The following UNC5D variants were observed in gnomAD, a reference collection of about 807,000 sequenced individuals.
UNC5D encodes unc-5 netrin receptor D, also known as netrin receptor UNC5D.
A neutral mutation model predicts 105.4 loss-of-function variants in UNC5D; 39 were observed. That is an observed-to-expected ratio of 0.37 (90% CI 0.29 to 0.48). UNC5D has a LOEUF of 0.48. Among genes scored for constraint, UNC5D ranks in the 20% least tolerant of loss-of-function variants. The pLI is 0.98. For missense variants in UNC5D, 991 were observed against 1,202.4 expected (o/e 0.82, Z 2.60); for synonymous variants, 452 against 450.4 (o/e 1.00, Z -0.04).
At chr8:35,589,968 C>A (rs1819053709) in intron 3 of UNC5D, among the ~76,000 whole-genome samples, 1 of 152,110 alleles carries the variant, frequency 6.6e-6, no homozygotes, top group Admixed American at 6.6e-5. Flanking sequence ...TATATGCTTG[C>A]TAACCTTGGG....
chr8:35,446,991 C>T (rs1161991152), intron 1 of UNC5D, among the ~76,000 whole-genome samples: 4 of 152,066 alleles, frequency 2.6e-5, no homozygotes, highest in Non-Finnish European at 5.9e-5. Flanking sequence ...TACCACTTAG[C>T]ACAGCGACTC....
chr8:35,735,387 T>C lies in UNC5D; in HGVS notation c.1766+4291T>C, dbSNP rs186518338. The stretch of plus-strand genomic sequence containing the variant: ...TGTCATGTGGATACTCCTGACCAAA[T>C]GCTTAGACTAAAATTGGAAATGTTG... On this transcript the variant is annotated intron_variant, in intron 11 of 16. Transcript: ENST00000404895. Among the ~76,000 whole-genome samples, 494 of 152,304 alleles carry C rather than the reference T, an allele frequency of 3.2e-3. 1 individual carries two copies. Among genetic ancestry groups the C allele is most frequent in the African/African-American group, 0.011 (473 of 41,584 alleles).
intron 15 of UNC5D, among the ~76,000 whole-genome samples, chr8:35,770,986 C>T (rs1334178600): frequency 6.6e-6 from 1 of 152,132 alleles, no homozygotes; most frequent in East Asian, 1.9e-4. Flanking sequence ...TGTGATGTAT[C>T]TACAGGATTC....
intron 1 of UNC5D, among the ~76,000 whole-genome samples, chr8:35,241,246 T>C (rs1042282298): frequency 3.3e-5 from 5 of 152,260 alleles, no homozygotes; most frequent in African/African-American, 1.2e-4. Context: ...TGTGCCACAT[T>C]GCATCGTATG....
chr8:35,321,546 A>C (rs2980399), intron 1 of UNC5D, among the ~76,000 whole-genome samples: 124,754 of 152,084 alleles, frequency 0.82, 51,618 homozygotes, highest in East Asian at 1. Flanking sequence ...TGAGGCCTTC[A>C]CCAGCCATGT....
At chr8:35,604,278 G>T (rs999614393) in intron 4 of UNC5D, among the ~76,000 whole-genome samples, 56 of 152,138 alleles carry the variant, frequency 3.7e-4, no homozygotes, top group Admixed American at 4.6e-4. Context: ...GTCTGTAAAG[G>T]ATTTTATTTC....
chr8:35,541,978 C>A (rs184551671), intron 1 of UNC5D, among the ~76,000 whole-genome samples: 106 of 151,848 alleles, frequency 7.0e-4, no homozygotes, highest in African/African-American at 2.5e-3. Context: ...TTGAATGTGT[C>A]TTAAGCACTC....
At chr8:35,489,861 C>A (rs939364067) in intron 1 of UNC5D, among the ~76,000 whole-genome samples, 1 of 152,184 alleles carries the variant, frequency 6.6e-6, no homozygotes, top group African/African-American at 2.4e-5. Flanking sequence ...GAGACATGAT[C>A]TGAGACAAGC....
At chr8:35,650,022 T>A (rs2131175414) in intron 4 of UNC5D, among the ~76,000 whole-genome samples, 1 of 152,278 alleles carries the variant, frequency 6.6e-6, no homozygotes, top group African/African-American at 2.4e-5. Flanking sequence ...TTAACATCAG[T>A]GGAAACTAGA....
At chr8:35,765,897 A>C (rs542049346) in intron 14 of UNC5D, among the ~76,000 whole-genome samples, 106 of 152,290 alleles carry the variant, frequency 7.0e-4, no homozygotes, top group African/African-American at 2.5e-3. Context: ...GGTGAGAAAT[A>C]GAGAAAAAAG....
intron 1 of UNC5D, among the ~76,000 whole-genome samples, chr8:35,354,837 G>T (rs2128912853): frequency 6.6e-6 from 1 of 152,214 alleles, no homozygotes; most frequent in East Asian, 1.9e-4. Context: ...AGACCCACTT[G>T]TAAGATGTCG....
intron 1 of UNC5D, among the ~76,000 whole-genome samples, chr8:35,435,816 CT>C (rs1806969768): frequency 2.6e-5 from 4 of 152,016 alleles, no homozygotes; most frequent in Admixed American, 2.6e-4. Context: ...CTAAAGGTAG[CT>C]GTCAAAGGCA....
intron 4 of UNC5D, among the ~76,000 whole-genome samples, chr8:35,596,611 G>T (rs1314848621): frequency 6.6e-6 from 1 of 152,050 alleles, no homozygotes; most frequent in Admixed American, 6.5e-5. Flanking sequence ...ATTTTAGGGA[G>T]ACATGAGACA....
intron 7 of UNC5D, among the ~76,000 whole-genome samples, chr8:35,689,608 C>T (rs1261401751): frequency 6.6e-6 from 1 of 152,224 alleles, no homozygotes; most frequent in Non-Finnish European, 1.5e-5. Flanking sequence ...GAACCAGGAA[C>T]ATCTGATGGC....
chr8:35,625,492 G>A (rs1821652515), intron 4 of UNC5D, among the ~76,000 whole-genome samples: 1 of 152,208 alleles, frequency 6.6e-6, no homozygotes, highest in African/African-American at 2.4e-5. Context: ...AGCTGGGAGA[G>A]CCGTTGCTGC....
At chr8:35,433,226 T>C (rs768449272) in intron 1 of UNC5D, among the ~76,000 whole-genome samples, 2 of 152,184 alleles carry the variant, frequency 1.3e-5, no homozygotes, top group Non-Finnish European at 2.9e-5. Flanking sequence ...AATGAAATAG[T>C]GTGGTCTCAA....
rs2131817708 is a variant in UNC5D, at chr8:35,790,690, C to T, written c.*127C>T. 6 of 1,051,320 alleles carry T rather than the reference C, an allele frequency of 5.7e-6. No individual in the cohort carries two copies. The highest frequency in any genetic ancestry group is 8.3e-6 in the Non-Finnish European group (6 of 722,970). The allele number at this position is 1,051,320 out of a possible 1,614,324, so 65.1% of individuals were successfully genotyped here. On this transcript the variant is annotated 3_prime_UTR_variant, in exon 17 of 17. Coordinates refer to ENST00000404895, the MANE Select transcript of UNC5D (RefSeq NM_080872.4). ...CTTCATTTATAATCAGTGAGATTCCCCTGTTGAAGAAACTAAATTTTATAT... is the reference window on the plus strand; with the variant it reads ...CTTCATTTATAATCAGTGAGATTCCTCTGTTGAAGAAACTAAATTTTATAT...
At chr8:35,242,237 G>A (rs1342967992) in intron 1 of UNC5D, among the ~76,000 whole-genome samples, 2 of 152,148 alleles carry the variant, frequency 1.3e-5, no homozygotes, top group Non-Finnish European at 2.9e-5. Flanking sequence ...AAACTTTACA[G>A]ATGTTTTGTC....
chr8:35,521,567 CA>C (rs1813482526), intron 1 of UNC5D, among the ~76,000 whole-genome samples: 1 of 152,056 alleles, frequency 6.6e-6, no homozygotes, highest in Non-Finnish European at 1.5e-5. Flanking sequence ...AAAAACAAAA[CA>C]GGAGTCCTCA....
Sources: allele counts gnomAD v4.1 joint callset (sites outside exome capture counted in the v4.1 genomes callset), GRCh38; gene constraint gnomAD v4.1.1; transcripts MANE v1.5; gene names NCBI Gene and HGNC (gene_info 2026-07-23, HGNC 2026-07-21).